Variants in SCHIP1 observed in about 807,000 individuals in gnomAD.
The protein encoded by SCHIP1 is schwannomin interacting protein 1.
Under a neutral mutation model 29.7 loss-of-function variants are expected in SCHIP1, and 8 were observed. The observed-to-expected ratio is 0.27, with a 90% CI of 0.16 to 0.49. The LOEUF (loss-of-function observed/expected upper bound fraction) is 0.49. Ranked by LOEUF, SCHIP1 falls within the 20% of genes least tolerant of loss-of-function variation. The pLI is 0.99. For synonymous variants in SCHIP1, 76 were observed against 94.9 expected (o/e 0.80, Z 1.16); for missense variants, 193 against 294.6 (o/e 0.66, Z 2.52).
the SCHIP1 span, among the ~76,000 whole-genome samples, chr3:159,762,031 A>G: frequency 6.6e-6 from 1 of 152,198 alleles, no homozygotes; most frequent in African/African-American, 2.4e-5. Flanking sequence ...ATGCCATGTC[A>G]TATGGTGAAC....
chr3:159,626,251 T>TCTAG, the SCHIP1 span, among the ~76,000 whole-genome samples: 150 of 93,734 alleles, frequency 1.6e-3, 6 homozygotes, highest in Non-Finnish European at 1.9e-3. Flanking sequence ...TATCTATCTA[T>TCTAG]ATAGATAGAT....
the SCHIP1 span, among the ~76,000 whole-genome samples, chr3:159,657,413 G>A: frequency 3.9e-5 from 6 of 152,164 alleles, no homozygotes; most frequent in Admixed American, 6.5e-5. Flanking sequence ...TAATGTACAC[G>A]TGCATCACAC....
chr3:159,438,681 C>T, the SCHIP1 span, among the ~76,000 whole-genome samples: 1 of 152,044 alleles, frequency 6.6e-6, no homozygotes, highest in Non-Finnish European at 1.5e-5. Context: ...GTGTTGTTTC[C>T]CCCATGTGTC....
chr3:159,713,226 A>G, the SCHIP1 span, among the ~76,000 whole-genome samples: 742 of 114,330 alleles, frequency 6.5e-3, 9 homozygotes, highest in African/African-American at 0.022. Flanking sequence ...GAGAGAGAGA[A>G]AGAAAGGAAG....
the SCHIP1 span, among the ~76,000 whole-genome samples, chr3:159,328,815 G>A: frequency 3.9e-5 from 6 of 152,128 alleles, no homozygotes; most frequent in African/African-American, 9.7e-5. Context: ...TCTATGAATG[G>A]GAATGGAAAA....
the SCHIP1 span, among the ~76,000 whole-genome samples, chr3:159,331,676 T>C: frequency 6.6e-6 from 1 of 152,186 alleles, no homozygotes; most frequent in African/African-American, 2.4e-5. Context: ...ATCCTTACTC[T>C]GTTCACTTTT....
chr3:159,432,315 TGTGTGTGTGTGTGTGTGTGTGTGTGAGA>T, the SCHIP1 span, among the ~76,000 whole-genome samples: 1 of 105,070 alleles, frequency 9.5e-6, no homozygotes, highest in African/African-American at 2.9e-5. Context: ...TGTGTGTGTG[TGTGTGTGTGTGTGTGTGTGTGTGTGAGA>T]GAGAGAGAGA....
chr3:159,871,184 C>G (rs564153441), intron 2 of SCHIP1, among the ~76,000 whole-genome samples: 2 of 152,118 alleles, frequency 1.3e-5, no homozygotes, highest in Non-Finnish European at 2.9e-5. Context: ...TTTCTGCCCA[C>G]CAATAACTAA....
chr3:159,423,579 C>G, the SCHIP1 span, among the ~76,000 whole-genome samples: 2 of 152,340 alleles, frequency 1.3e-5, no homozygotes, highest in East Asian at 3.9e-4. Flanking sequence ...TGGAGTCCAC[C>G]ACAGCTCAAG....
At chr3:159,294,394 C>T in the SCHIP1 span, among the ~76,000 whole-genome samples, 10 of 152,082 alleles carry the variant, frequency 6.6e-5, no homozygotes, top group Non-Finnish European at 1.2e-4. Context: ...GAACTGCCAA[C>T]GAGATGCTTT....
chr3:159,539,235 A>G, the SCHIP1 span, among the ~76,000 whole-genome samples: 1 of 83,514 alleles, frequency 1.2e-5, no homozygotes, highest in African/African-American at 3.3e-5. Flanking sequence ...AATAATATGG[A>G]TCAATTTTCA....
chr3:159,782,948 C>T, the SCHIP1 span, among the ~76,000 whole-genome samples: 10 of 152,234 alleles, frequency 6.6e-5, no homozygotes, highest in African/African-American at 1.7e-4. Flanking sequence ...GCTTCATCTG[C>T]GGCAGCATGT....
At chr3:159,399,520 A>G in the SCHIP1 span, among the ~76,000 whole-genome samples, 470 of 152,256 alleles carry the variant, frequency 3.1e-3, 7 homozygotes, top group Admixed American at 0.017. Flanking sequence ...TGCTTAGCAC[A>G]AAAGTTCTCC....
the SCHIP1 span, among the ~76,000 whole-genome samples, chr3:159,823,787 G>GA: frequency 2.6e-5 from 4 of 152,166 alleles, no homozygotes; most frequent in Non-Finnish European, 5.9e-5. Flanking sequence ...CGTAGGCTTT[G>GA]AAAGGCCCTG....
chr3:159,435,701 G>A, the SCHIP1 span, among the ~76,000 whole-genome samples: 2 of 152,056 alleles, frequency 1.3e-5, no homozygotes, highest in South Asian at 2.1e-4. Context: ...TTTGAAACAC[G>A]CTAATAAGAC....
chr3:159,464,338 G>A, the SCHIP1 span, among the ~76,000 whole-genome samples: 1 of 152,162 alleles, frequency 6.6e-6, no homozygotes. Flanking sequence ...TGGCCAACAA[G>A]TTGCTATGCA....
chr3:159,668,336 A>T, the SCHIP1 span, among the ~76,000 whole-genome samples: 2 of 148,602 alleles, frequency 1.3e-5, no homozygotes, highest in Non-Finnish European at 3.0e-5. Context: ...GAGAGCACGC[A>T]ACTGCACTCC....
chr3:159,575,208 C>T, the SCHIP1 span, among the ~76,000 whole-genome samples: 10 of 152,146 alleles, frequency 6.6e-5, no homozygotes, highest in Non-Finnish European at 1.2e-4. Flanking sequence ...ATCTGCAGAC[C>T]GGAGCTGTTC....
chr3:159,539,594 C>A, the SCHIP1 span, among the ~76,000 whole-genome samples: 1 of 135,194 alleles, frequency 7.4e-6, no homozygotes, highest in Non-Finnish European at 1.7e-5. Context: ...ATCCTTGAGG[C>A]TAGATATACA....
Sources: gnomAD v4.1 joint callset for allele counts (sites outside exome capture counted in the v4.1 genomes callset) on GRCh38, gnomAD v4.1.1 for gene constraint, MANE v1.5 for transcripts, NCBI Gene and HGNC (gene_info 2026-07-23, HGNC 2026-07-21) for gene names.